EXOC6B: variants seen among roughly 807,000 people sequenced by gnomAD.
The protein encoded by EXOC6B is exocyst complex component 6B.
Under a neutral mutation model 113.5 loss-of-function variants are expected in EXOC6B, and 54 were observed. The observed-to-expected ratio is 0.48, with a 90% confidence interval of 0.38 to 0.60. The LOEUF (loss-of-function observed/expected upper bound fraction) is 0.60. Among genes scored for constraint, EXOC6B ranks in the 20% least tolerant of loss-of-function variants. EXOC6B has a pLI of 0.00. For synonymous variants in EXOC6B, 357 were observed against 339.0 expected (o/e 1.05, Z -0.58); for missense variants, 797 against 977.5 (o/e 0.82, Z 2.46).
chr2:72,507,556 T>G (rs984046078), intron 11 of EXOC6B, among the ~76,000 whole-genome samples: 3 of 152,102 alleles, frequency 2.0e-5, no homozygotes, highest in Non-Finnish European at 4.4e-5. Flanking sequence ...ATCCTGCACA[T>G]GTACCCCAGA....
At chr2:72,344,571 C>T (rs552191925) in intron 19 of EXOC6B, among the ~76,000 whole-genome samples, 64 of 152,128 alleles carry the variant, frequency 4.2e-4, no homozygotes, top group Middle Eastern at 6.8e-3. Flanking sequence ...AAAATTCTTC[C>T]CCTTCTCTAG....
At chr2:72,327,589 A>G (rs1250800292) in intron 20 of EXOC6B, among the ~76,000 whole-genome samples, 3 of 152,104 alleles carry the variant, frequency 2.0e-5, no homozygotes, top group Non-Finnish European at 1.5e-5. Context: ...CTTAAATGAC[A>G]TCTTACATGA....
chr2:72,466,434 C>G (rs957237096), intron 17 of EXOC6B, among the ~76,000 whole-genome samples: 2 of 151,942 alleles, frequency 1.3e-5, no homozygotes, highest in African/African-American at 4.8e-5. Context: ...CTGTTCAACT[C>G]AGACCAAGGC....
At chr2:72,722,486 T>C (rs1367992999) in intron 5 of EXOC6B, among the ~76,000 whole-genome samples, 1 of 152,166 alleles carries the variant, frequency 6.6e-6, no homozygotes, top group East Asian at 1.9e-4. Context: ...TGTTTTAATG[T>C]TTTCCCTCAT....
In EXOC6B at chr2:72,785,139, TC is replaced by T. The variant is rs980085029; in HGVS notation, c.113+40658del. On this transcript the variant is annotated intron_variant, in intron 1 of 21. Coordinates refer to ENST00000272427, the MANE Select transcript of EXOC6B (RefSeq NM_015189.3). ...ATCTCCTTTGACTCCAGGTCTCACATCCAAGTCACACTGATGTGAAAGGTAG... is the reference window on the plus strand; with the variant it reads ...ATCTCCTTTGACTCCAGGTCTCACATCAAGTCACACTGATGTGAAAGGTAG... Among the ~76,000 whole-genome samples, 17 of 152,344 alleles carry T rather than the reference TC, an allele frequency of 1.1e-4. No homozygotes were observed. In the East Asian group the frequency reaches 2.5e-3, roughly 22 times the overall value.
chr2:72,464,118 G>A (rs564190102), intron 18 of EXOC6B: 6 of 152,082 alleles, frequency 3.9e-5, no homozygotes, highest in Admixed American at 6.6e-5. Flanking sequence ...GATTTTTTGG[G>A]GTACACAAAC....
chr2:72,345,151 T>C (rs950220358), intron 19 of EXOC6B, among the ~76,000 whole-genome samples: 7 of 152,172 alleles, frequency 4.6e-5, no homozygotes, highest in African/African-American at 1.7e-4. Context: ...AACCACACTT[T>C]AATGTCCAAG....
intron 1 of EXOC6B, among the ~76,000 whole-genome samples, chr2:72,821,535 C>G (rs1247981245): frequency 6.6e-6 from 1 of 152,072 alleles, no homozygotes; most frequent in Non-Finnish European, 1.5e-5. Context: ...GCCATGGCAG[C>G]ATTGTTCCAC....
At chr2:72,324,332 T>A (rs1346936067) in intron 20 of EXOC6B, among the ~76,000 whole-genome samples, 1 of 152,210 alleles carries the variant, frequency 6.6e-6, no homozygotes, top group Non-Finnish European at 1.5e-5. Context: ...AATTCCTTAC[T>A]TTCTGAGAAA....
At chr2:72,209,274 A>G (rs1680038148) in intron 20 of EXOC6B, among the ~76,000 whole-genome samples, 1 of 151,484 alleles carries the variant, frequency 6.6e-6, no homozygotes, top group African/African-American at 2.4e-5. Flanking sequence ...AAAAGAAAAA[A>G]GAAATATTTA....
chr2:72,465,204 T>C lies in EXOC6B; in HGVS notation c.1936A>G (p.Ile646Val). ...NKASDYLVDL[I>V]AFLRSTFAVF... ...GCAAAGGTGCTACGAAGAAAGGCAA[T>C]GAGGTCTACCAGGTAATCACTAGCT... Residue 646 changes from isoleucine to valine, a missense_variant, in exon 18 of 22, where the codon ATT becomes GTT. Ile to Val is a conservative substitution (Grantham distance 29). Coordinates refer to ENST00000272427, the MANE Select transcript of EXOC6B (RefSeq NM_015189.3). The C allele has an allele frequency of 6.2e-7, 1 of 1,612,302 alleles. No individual in the cohort carries two copies. Among genetic ancestry groups the C allele is most frequent in the Non-Finnish European group, 8.5e-7 (1 of 1,179,218 alleles).
intron 6 of EXOC6B, among the ~76,000 whole-genome samples, chr2:72,620,714 C>A (rs1671693927): frequency 6.6e-6 from 1 of 151,796 alleles, no homozygotes; most frequent in Non-Finnish European, 1.5e-5. Context: ...ACAAAATAAA[C>A]AGAAAACCTA....
At chr2:72,204,356 G>A (rs1679692400) in intron 20 of EXOC6B, among the ~76,000 whole-genome samples, 1 of 152,110 alleles carries the variant, frequency 6.6e-6, no homozygotes, top group Admixed American at 6.5e-5. Context: ...GCTCCACAAG[G>A]TTCTAGTCTC....
At position 72,381,250 on chromosome 2, in the gene EXOC6B, G is replaced by A. The variant is rs574356799; in HGVS notation, c.1981-1380C>T. 2.2e-4 allele frequency among the ~76,000 whole-genome samples: 34 copies of A among 152,260 alleles called. 1 individual carries two copies. The South Asian group carries it at 7.0e-3, about 32-fold the overall frequency. On this transcript the variant is annotated intron_variant, in intron 18 of 21. Coordinates refer to ENST00000272427, the MANE Select transcript of EXOC6B (RefSeq NM_015189.3). ...TTTTTCAGTTGAATATTATGAATAT[G>A]AAGATTTTGAAGTGTATTGTATCTA...
intron 6 of EXOC6B, among the ~76,000 whole-genome samples, chr2:72,667,208 G>T (rs1675459991): frequency 6.6e-6 from 1 of 152,156 alleles, no homozygotes; most frequent in Non-Finnish European, 1.5e-5. Flanking sequence ...ACTGCTGAAA[G>T]AAATCAGAGA....
intron 8 of EXOC6B, among the ~76,000 whole-genome samples, chr2:72,539,901 C>A (rs1702502300): frequency 6.6e-6 from 1 of 150,580 alleles, no homozygotes; most frequent in Admixed American, 6.6e-5. Flanking sequence ...CACCCATTAA[C>A]TCGTCATTTA....
chr2:72,753,104 G>A (rs989622551), intron 1 of EXOC6B, among the ~76,000 whole-genome samples: 5 of 151,876 alleles, frequency 3.3e-5, no homozygotes, highest in African/African-American at 9.7e-5. Context: ...ATCGCAAACC[G>A]TGCATGTCAA....
At chr2:72,579,060 A>T (rs1225013007) in intron 6 of EXOC6B, among the ~76,000 whole-genome samples, 1 of 152,206 alleles carries the variant, frequency 6.6e-6, no homozygotes, top group Non-Finnish European at 1.5e-5. Context: ...AAAATCTAAT[A>T]TACATCACTA....
At chr2:72,224,870 G>C (rs1681113085) in intron 20 of EXOC6B, among the ~76,000 whole-genome samples, 1 of 146,758 alleles carries the variant, frequency 6.8e-6, no homozygotes, top group East Asian at 2.0e-4. Flanking sequence ...GTATACGTAA[G>C]TGTATATATA....
Sources: gnomAD v4.1 joint callset for allele counts (sites outside exome capture counted in the v4.1 genomes callset) on GRCh38, gnomAD v4.1.1 for gene constraint, MANE v1.5 for transcripts, NCBI Gene and HGNC (gene_info 2026-07-23, HGNC 2026-07-21) for gene names.